The following DIS3L2 variants were observed in gnomAD, a reference collection of about 807,000 sequenced individuals.
The protein encoded by DIS3L2 is DIS3 like 3'-5' exoribonuclease 2.
DIS3L2 carries 34 observed loss-of-function variants against 97.5 expected under a neutral mutation model. That is an observed-to-expected ratio of 0.35 (90% CI 0.27 to 0.46). The LOEUF is 0.46. Among genes scored for constraint, DIS3L2 ranks in the 20% least tolerant of loss-of-function variants. The pLI, the probability that DIS3L2 is intolerant of heterozygous loss-of-function variation, is 1.00. For synonymous variants in DIS3L2, 435 were observed against 445.2 expected, an observed-to-expected ratio of 0.98 and a Z score of 0.29; for missense variants, 1,038 against 1,146.0, an observed-to-expected ratio of 0.91 and a Z score of 1.36.
intron 2 of DIS3L2, 98 bp downstream of exon 2, chr2:232,015,077 A>G (rs1237031603): frequency 8.4e-7 from 1 of 1,195,088 alleles, no homozygotes; most frequent in African/African-American, 1.5e-5. Flanking sequence ...ACTGAGGGCT[A>G]CTATAATTCT....
chr2:232,010,022 C>G (rs1346596861), intron 1 of DIS3L2, among the ~76,000 whole-genome samples: 1 of 152,226 alleles, frequency 6.6e-6, no homozygotes, highest in African/African-American at 2.4e-5. Flanking sequence ...CTGGTAGCTT[C>G]TGTACCAAGG....
chr2:232,230,953 T>C (rs753671519), intron 10 of DIS3L2, among the ~76,000 whole-genome samples: 1 of 152,040 alleles, frequency 6.6e-6, no homozygotes, highest in Non-Finnish European at 1.5e-5. Flanking sequence ...CCTGGGATGC[T>C]CTCCCCCATG....
Position 232,336,559 on chromosome 2 carries a change from C to T in DIS3L2, c.2587C>T (p.Gln863Ter), listed in dbSNP as rs758067923. Reference sequence around the variant, plus strand: ...CGCCATCCTGAAGCGGCCAGGCACCCAGGGCCACCTGGGCCCTGAGAAGGA... The same window carrying T: ...CGCCATCCTGAAGCGGCCAGGCACCTAGGGCCACCTGGGCCCTGAGAAGGA... ...YSAILKRPGTQGHLGPEKEEE... is the reference protein window; with the variant it reads ...YSAILKRPGT Residue 863 changes from glutamine (Q) to a stop codon, truncating the protein, a stop_gained, in exon 21 of 21, where the codon CAG (glutamine) becomes TAG (stop). Transcript: ENST00000325385. LOFTEE classifies it low-confidence loss of function (END_TRUNC). 6.8e-6 allele frequency: 11 copies of T among 1,609,760 alleles called. No homozygotes were observed. The South Asian group carries it at 9.9e-5, about 14-fold the overall frequency.
chr2:232,003,924 T>C (rs527592387), intron 1 of DIS3L2, among the ~76,000 whole-genome samples: 3 of 152,228 alleles, frequency 2.0e-5, no homozygotes, highest in Non-Finnish European at 2.9e-5. Flanking sequence ...GATATAGATA[T>C]AATTTTTAAA....
At chr2:232,301,297 G>GT (rs1694850075) in intron 14 of DIS3L2, among the ~76,000 whole-genome samples, 1 of 152,050 alleles carries the variant, frequency 6.6e-6, no homozygotes, top group Non-Finnish European at 1.5e-5. Flanking sequence ...CAAGTGACCC[G>GT]TATTTTTACT....
At chr2:232,222,195 G>A (rs750544271) in intron 10 of DIS3L2, among the ~76,000 whole-genome samples, 2 of 152,100 alleles carry the variant, frequency 1.3e-5, no homozygotes, top group Non-Finnish European at 2.9e-5. Flanking sequence ...CACCCACCTC[G>A]GCTTCCCAAA....
chr2:232,209,931 C>T (rs1394397410), intron 9 of DIS3L2, among the ~76,000 whole-genome samples: 1 of 152,170 alleles, frequency 6.6e-6, no homozygotes, highest in East Asian at 1.9e-4. Context: ...TTGTTGGGTC[C>T]CATCCCCCTG....
At chr2:232,237,587 G>C (rs1266038441) in intron 10 of DIS3L2, among the ~76,000 whole-genome samples, 7 of 152,014 alleles carry the variant, frequency 4.6e-5, no homozygotes, top group Non-Finnish European at 8.8e-5. Context: ...GAGATATGCC[G>C]TGATATCTGG....
At chr2:232,109,200 C>G (rs546292772) in intron 6 of DIS3L2, among the ~76,000 whole-genome samples, 1 of 152,302 alleles carries the variant, frequency 6.6e-6, no homozygotes, top group Admixed American at 6.5e-5. Flanking sequence ...AATCCCAGCA[C>G]TTCGTGAGGC....
intron 6 of DIS3L2, among the ~76,000 whole-genome samples, chr2:232,112,910 T>G (rs1697583004): frequency 6.6e-6 from 1 of 152,084 alleles, no homozygotes; most frequent in Admixed American, 6.6e-5. Context: ...ATGAAGAATA[T>G]TCTTGGTATG....
chr2:232,070,677 C>T (rs367663767), intron 5 of DIS3L2, among the ~76,000 whole-genome samples: 4 of 151,840 alleles, frequency 2.6e-5, no homozygotes, highest in Admixed American at 6.6e-5. Flanking sequence ...CTTCACCTCC[C>T]GGGTTCAAGT....
At chr2:232,340,136 A>G (rs1696073568), downstream of DIS3L2, among the ~76,000 whole-genome samples, 1 of 152,182 alleles carries the variant, frequency 6.6e-6, no homozygotes, top group Non-Finnish European at 1.5e-5. Flanking sequence ...GTCCACAAAG[A>G]GGCAAGAAAG....
At chr2:232,279,510 GTTTGTTTGTT>G (rs1694227886) in intron 13 of DIS3L2, among the ~76,000 whole-genome samples, 1 of 53,792 alleles carries the variant, frequency 1.9e-5, no homozygotes, top group South Asian at 4.6e-4. Context: ...GTGTGTGTTT[GTTTGTTTGTT>G]TGTTTGTTTG....
chr2:231,993,503 C>G (rs562254176), intron 1 of DIS3L2, among the ~76,000 whole-genome samples: 2 of 152,156 alleles, frequency 1.3e-5, no homozygotes, highest in South Asian at 4.1e-4. Flanking sequence ...TGTGAGCCAC[C>G]GCGCCTGGCT....
chr2:232,095,791 CTT>C (rs1696988896), intron 6 of DIS3L2, among the ~76,000 whole-genome samples: 1 of 151,946 alleles, frequency 6.6e-6, no homozygotes, highest in African/African-American at 2.4e-5. Flanking sequence ...CTGGGAAAGT[CTT>C]TATTTCTCCT....
At position 231,986,155 on chromosome 2, in the gene DIS3L2, A is replaced by C. The variant is rs1174474573; in HGVS notation, c.-94+24390A>C. ...CTTTCAGCCACGGACTGAAGGCAGC[A>C]CTGTTGGCTTCCCTACTTTTGAGGC... On this transcript the variant is annotated intron_variant, in intron 1 of 20. Coordinates refer to ENST00000325385, the MANE Select transcript of DIS3L2 (RefSeq NM_152383.5). Among the ~76,000 whole-genome samples, 3 of 152,190 alleles carry C rather than the reference A, an allele frequency of 2.0e-5. No individual in the cohort carries two copies. The East Asian group carries it at 5.8e-4, about 29-fold the overall frequency.
At chr2:232,167,734 T>C (rs987589331) in intron 9 of DIS3L2, among the ~76,000 whole-genome samples, 2 of 152,316 alleles carry the variant, frequency 1.3e-5, no homozygotes, top group South Asian at 2.1e-4. Context: ...AGTTACTCTT[T>C]AGTTGTTATC....
At chr2:232,230,045 C>T (rs1692748143) in intron 10 of DIS3L2, among the ~76,000 whole-genome samples, 1 of 152,076 alleles carries the variant, frequency 6.6e-6, no homozygotes, top group Non-Finnish European at 1.5e-5. Context: ...GTAAAATATC[C>T]TCAAACCATC....
intron 13 of DIS3L2, among the ~76,000 whole-genome samples, chr2:232,280,198 A>C (rs946616242): frequency 1.3e-5 from 2 of 152,188 alleles, no homozygotes; most frequent in East Asian, 3.9e-4. Flanking sequence ...GCACCTGAGA[A>C]GATTTGGGAT....
Sources: gnomAD v4.1 joint callset for allele counts (sites outside exome capture counted in the v4.1 genomes callset) on GRCh38, gnomAD v4.1.1 for gene constraint, MANE v1.5 for transcripts, NCBI Gene and HGNC (gene_info 2026-07-23, HGNC 2026-07-21) for gene names.